The following MMP24 variants were observed in gnomAD, a reference collection of about 807,000 sequenced individuals.
MMP24 encodes the protein matrix metallopeptidase 24.
Under a neutral mutation model 62.8 loss-of-function variants are expected in MMP24, and 25 were observed. The ratio of observed to expected loss-of-function variants is 0.40; its 90% CI spans 0.29 to 0.56. MMP24 has a LOEUF of 0.56. Among genes scored for constraint, MMP24 ranks in the 20% least tolerant of loss-of-function variants. The pLI is 0.50. For synonymous variants in MMP24, 319 were observed against 350.5 expected (o/e 0.91, Z 1.00); for missense variants, 634 against 853.6 (o/e 0.74, Z 3.21).
At chr20:35,273,805 G>A (rs1007556492) in intron 8 of MMP24, among the ~76,000 whole-genome samples, 1 of 152,134 alleles carries the variant, frequency 6.6e-6, no homozygotes, top group Non-Finnish European at 1.5e-5. Context: ...GTGAAGTGAT[G>A]TGTGCCAAGC....
chr20:35,274,592 G>A lies in MMP24; in HGVS notation c.1921G>A (p.Val641Ile). The A allele has an allele frequency of 1.2e-6, 2 of 1,612,100 alleles. No homozygotes were observed. The highest frequency in any genetic ancestry group is 1.3e-5 in the African/African-American group (1 of 75,022). ...PQPVTYYKRPVQEWV is the reference protein window; with the variant it reads ...PQPVTYYKRPIQEWV Reference sequence around the variant, plus strand: ...GCCTGTCACCTACTATAAGCGGCCAGTCCAGGAATGGGTGTGAGCAGCCCA... The same window carrying A: ...GCCTGTCACCTACTATAAGCGGCCAATCCAGGAATGGGTGTGAGCAGCCCA... The change falls in exon 9 of 9, where the codon GTC (valine) becomes ATC (isoleucine). Residue 641 changes from valine (V) to isoleucine (I), a missense_variant. Physicochemically the swap from Val to Ile is conservative, Grantham distance 29. Transcript: ENST00000246186. This position sits in a 1 kb window ranked among gnomAD's most constrained non-coding sequence, Gnocchi z 5.1.
At chr20:35,270,528 G>C (rs11907955) in intron 7 of MMP24, among the ~76,000 whole-genome samples, 8,887 of 152,348 alleles carry the variant, frequency 0.058, 674 homozygotes, top group African/African-American at 0.18. Context: ...TGCCAGGCCA[G>C]AATGTGGTCT....
intron 2 of MMP24, among the ~76,000 whole-genome samples, chr20:35,251,533 C>T (rs1357947196): frequency 6.6e-6 from 1 of 152,152 alleles, no homozygotes; most frequent in East Asian, 1.9e-4. Context: ...TGTACTTCCT[C>T]CTTGAAGACG....
rs1384117850 is a variant in MMP24, at chr20:35,274,730, C to T, written c.*121C>T. On this transcript the variant is annotated 3_prime_UTR_variant, in exon 9 of 9. Coordinates refer to ENST00000246186, the MANE Select transcript of MMP24 (RefSeq NM_006690.4). This position sits in a 1 kb window ranked among gnomAD's most constrained non-coding sequence, Gnocchi z 5.1. ...AGCAGGGCCCTAGGCTGGGGTCGTA[C>T]AGCTGAAGTGGTGGGTGCATTGGCC... is the stretch of plus-strand genomic sequence containing the variant. The T allele has an allele frequency of 1.1e-5, 10 of 873,540 alleles. No homozygotes were observed. In the African/African-American group the frequency reaches 1.5e-4, roughly 13 times the overall value. 54.1% of individuals were successfully genotyped at this position (873,540 alleles called of 1,614,324 possible).
In MMP24 at chr20:35,271,993, T is replaced by A; in HGVS notation, c.1600+158T>A. 1.3e-6 allele frequency: 1 copy of A among 797,026 alleles called. No individual in the cohort carries two copies. The highest frequency in any genetic ancestry group is 1.9e-6 in the Non-Finnish European group (1 of 518,762). 49.4% of individuals were successfully genotyped at this position (797,026 alleles called of 1,614,324 possible). A position where few individuals can be genotyped will look rare whatever the true frequency, so the allele number is the denominator to read the frequency against. ...ATCTACCCATGTTCACGTGGTCCATTAATTCACTTACCAGCTGCCAAGTCA... is the reference window on the plus strand; with the variant it reads ...ATCTACCCATGTTCACGTGGTCCATAAATTCACTTACCAGCTGCCAAGTCA... On this transcript the variant is annotated intron_variant, in intron 8 of 8. Coordinates refer to ENST00000246186, the MANE Select transcript of MMP24 (RefSeq NM_006690.4). This position sits in a 1 kb window ranked among gnomAD's most constrained non-coding sequence, Gnocchi z 4.0.
At chr20:35,236,644 C>A (rs2060464737) in intron 1 of MMP24, among the ~76,000 whole-genome samples, 1 of 151,958 alleles carries the variant, frequency 6.6e-6, no homozygotes, top group Non-Finnish European at 1.5e-5. Flanking sequence ...CAGCAATAAC[C>A]AAACGTGGTG....
intron 1 of MMP24, among the ~76,000 whole-genome samples, chr20:35,236,557 A>G (rs1052840343): frequency 3.9e-5 from 6 of 152,198 alleles, no homozygotes; most frequent in Non-Finnish European, 8.8e-5. Context: ...TTGGTGGGAC[A>G]AGAAGTGGAG....
At chr20:35,229,494 C>A (rs2060428742) in intron 1 of MMP24, among the ~76,000 whole-genome samples, 1 of 151,650 alleles carries the variant, frequency 6.6e-6, no homozygotes, top group Non-Finnish European at 1.5e-5. Flanking sequence ...AATACATTGT[C>A]CAAAACTTCC....
intron 4 of MMP24, among the ~76,000 whole-genome samples, chr20:35,262,021 C>G (rs1417933625): frequency 3.3e-5 from 5 of 151,988 alleles, no homozygotes. Context: ...AAGCTGGTCT[C>G]GAACTCCTGA....
At chr20:35,247,577 T>C (rs1407192245) in intron 2 of MMP24, among the ~76,000 whole-genome samples, 1 of 152,040 alleles carries the variant, frequency 6.6e-6, no homozygotes, top group African/African-American at 2.4e-5. Context: ...ATGAGGATGG[T>C]CCCAATCACT....
intron 5 of MMP24, 38 bp from the exon 6 acceptor site, chr20:35,267,167 C>T (rs893306562): frequency 1.7e-5 from 26 of 1,501,670 alleles, no homozygotes; most frequent in Middle Eastern, 1.9e-4. Flanking sequence ...AGGCGGGAAA[C>T]GGCTGCCCCC....
At position 35,267,310 on chromosome 20, in the gene MMP24, C is replaced by T; in HGVS notation, c.1085C>T (p.Pro362Leu). The change falls in exon 6 of 9, where the codon CCT becomes CTT. Residue 362 changes from proline to leucine, a missense_variant. This residue lies in a region of MMP24 where 399 missense variants were observed against 530.8 expected (regional missense o/e 0.75). Coordinates refer to ENST00000246186, the MANE Select transcript of MMP24 (RefSeq NM_006690.4). Reference sequence around the variant, plus strand: ...AAACACGAGCGCCAGCCCAGGCCCCCTCGGCCGCCCCTCGGGGACCGGCCA... The same window carrying T: ...AAACACGAGCGCCAGCCCAGGCCCCTTCGGCCGCCCCTCGGGGACCGGCCA... ...ERKHERQPRP[P>L]RPPLGDRPST... is the part of the protein sequence containing the mutation. 6.3e-7 allele frequency: 1 copy of T among 1,596,388 alleles called. No individual in the cohort carries two copies.
At chr20:35,237,954 C>T (rs1011331988) in intron 1 of MMP24, among the ~76,000 whole-genome samples, 1 of 152,162 alleles carries the variant, frequency 6.6e-6, no homozygotes, top group African/African-American at 2.4e-5. Flanking sequence ...AGGGAAAAAA[C>T]CCAGTTGTAA....
Position 35,263,805 on chromosome 20 carries a change from C to A in MMP24, c.832C>A (p.Leu278Met). ...CCTCTCCACAGGGAACGACCTCTTC[C>A]TGGTGGCTGTGCATGAGCTGGGCCA... ...NANHDGNDLF[L>M]VAVHELGHAL... is the part of the protein sequence containing the mutation. The change falls in exon 5 of 9, where the codon CTG becomes ATG. Residue 278 changes from leucine to methionine, a missense_variant. Leu to Met is a conservative substitution (Grantham distance 15, BLOSUM62 2). Coordinates refer to ENST00000246186, the MANE Select transcript of MMP24 (RefSeq NM_006690.4). 1 of 1,582,674 alleles carries A rather than the reference C, an allele frequency of 6.3e-7. No homozygotes were observed.
At chr20:35,247,374 A>C (rs1241356396) in intron 2 of MMP24, among the ~76,000 whole-genome samples, 1 of 152,168 alleles carries the variant, frequency 6.6e-6, no homozygotes, top group African/African-American at 2.4e-5. Context: ...AATGATAATG[A>C]GTTGGCTCCA....
intron 1 of MMP24, among the ~76,000 whole-genome samples, chr20:35,244,785 A>G (rs545660750): frequency 6.7e-6 from 1 of 150,316 alleles, no homozygotes; most frequent in South Asian, 2.1e-4. Flanking sequence ...TACTTGTTGG[A>G]GCTCCTTCAC....
At chr20:35,265,555 T>C (rs540922755) in intron 5 of MMP24, among the ~76,000 whole-genome samples, 12 of 152,266 alleles carry the variant, frequency 7.9e-5, no homozygotes, top group Admixed American at 6.5e-4. Context: ...AATAAACTAG[T>C]ATTAAATTTC....
At chr20:35,254,088 C>T (rs746364190) in intron 3 of MMP24, among the ~76,000 whole-genome samples, 99 of 152,228 alleles carry the variant, frequency 6.5e-4, no homozygotes, top group Non-Finnish European at 1.1e-3. Context: ...AGGCTGGTCT[C>T]GAACTCCTGA....
In MMP24 at chr20:35,269,782, G is replaced by T; in HGVS notation, c.1217G>T (p.Arg406Leu). ...CAGGATCGCTGGTTCTGGCGTCTGCGCAATAACCGAGTGCAGGAGGGCTAC... is the reference window on the plus strand; with the variant it reads ...CAGGATCGCTGGTTCTGGCGTCTGCTCAATAACCGAGTGCAGGAGGGCTAC... Reference protein sequence around the residue: ...VFKDRWFWRLRNNRVQEGYPM... With the variant: ...VFKDRWFWRLLNNRVQEGYPM... Residue 406 changes from arginine to leucine, a missense_variant, in exon 7 of 9, where the codon CGC becomes CTC. Around this residue, in one of 3 missense-constraint regions of MMP24, gnomAD observed 399 missense variants for 530.8 expected, o/e 0.75. Transcript: ENST00000246186. This position sits in a 1 kb window ranked among gnomAD's most constrained non-coding sequence, Gnocchi z 4.6. The T allele has an allele frequency of 6.4e-7, 1 of 1,572,378 alleles. No homozygotes were observed. Among genetic ancestry groups the T allele is most frequent in the Non-Finnish European group, 8.6e-7 (1 of 1,159,094 alleles).
Sources: allele counts gnomAD v4.1 joint callset (sites outside exome capture counted in the v4.1 genomes callset), GRCh38; gene constraint gnomAD v4.1.1; regional missense constraint gnomAD v4.1.1; non-coding constraint Gnocchi (gnomAD v3.1); transcripts MANE v1.5; gene names NCBI Gene and HGNC (gene_info 2026-07-23, HGNC 2026-07-21).